PLEKHA6: variants seen among roughly 807,000 people sequenced by gnomAD.
The protein encoded by PLEKHA6 is pleckstrin homology domain containing A6.
A neutral mutation model predicts 116.7 loss-of-function variants in PLEKHA6; 60 were observed. That is an observed-to-expected ratio of 0.51 (90% CI 0.42 to 0.64). The LOEUF is 0.64. PLEKHA6 is among the 30% of genes least tolerant of loss of function. The pLI is 0.00. For synonymous variants in PLEKHA6, 489 were observed against 556.1 expected (o/e 0.88, Z 1.70); for missense variants, 1,338 against 1,422.7 (o/e 0.94, Z 0.96).
At chr1:204,340,062 G>T (rs1672790075) in intron 1 of PLEKHA6, among the ~76,000 whole-genome samples, 1 of 152,142 alleles carries the variant, frequency 6.6e-6, no homozygotes, top group African/African-American at 2.4e-5. Flanking sequence ...AAAAGTACAA[G>T]TTAGACCTCA....
intron 1 of PLEKHA6, among the ~76,000 whole-genome samples, chr1:204,375,278 T>A (rs1416538138): frequency 6.6e-6 from 1 of 152,092 alleles, no homozygotes; most frequent in African/African-American, 2.4e-5. Context: ...TTAGACAGCA[T>A]CTCCTGAATG....
At chr1:204,297,815 A>T in intron 1 of PLEKHA6, 1 of 825,142 alleles carries the variant, frequency 1.2e-6, no homozygotes, top group Non-Finnish European at 1.5e-6. Context: ...GTTTCTTATC[A>T]GAGATCCAAA....
chr1:204,286,039 G>C (rs1314312644), intron 1 of PLEKHA6, among the ~76,000 whole-genome samples: 1 of 152,116 alleles, frequency 6.6e-6, no homozygotes, highest in Non-Finnish European at 1.5e-5. Flanking sequence ...AGCAGGCTTA[G>C]GATTCTTCCT....
At chr1:204,249,082 C>T (rs1664182612) in intron 11 of PLEKHA6, 102 bp downstream of exon 11, 8 of 1,477,408 alleles carry the variant, frequency 5.4e-6, no homozygotes, top group Non-Finnish European at 7.5e-6. Context: ...GGAAGCTGTC[C>T]TTGCTTTGTC....
chr1:204,348,356 T>A (rs1284982815), intron 1 of PLEKHA6, among the ~76,000 whole-genome samples: 1 of 152,100 alleles, frequency 6.6e-6, no homozygotes, highest in African/African-American at 2.4e-5. Flanking sequence ...AGCTTGAAGC[T>A]GAAAAGAGAA....
In PLEKHA6 at chr1:204,259,468, G is replaced by A. The variant is rs1006947912; in HGVS notation, c.797C>T (p.Pro266Leu). ...GTACTGCCAGCCATTGGGCTGGGCA[G>A]GCTGTTCCCCACCCCCTGGCACTCT... ...GPRVPGGGEQ[P>L]AQPNGWQYHS... Residue 266 changes from proline (P) to leucine (L), a missense_variant, in exon 8 of 23, where the codon CCT becomes CTT. By Grantham distance (98) the Pro-to-Leu change is moderately conservative. Around this residue, in one of 3 missense-constraint regions of PLEKHA6, gnomAD observed 1,136 missense variants for 1,163.6 expected, o/e 0.98. Transcript: ENST00000272203. This position sits in a 1 kb window ranked among gnomAD's most constrained non-coding sequence, Gnocchi z 4.6. 1 of 1,614,222 alleles carries A rather than the reference G, an allele frequency of 6.2e-7. No homozygotes were observed. The highest frequency in any genetic ancestry group is 8.5e-7 in the Non-Finnish European group (1 of 1,180,024).
intron 9 of PLEKHA6, chr1:204,251,411 T>A (rs1664537739): frequency 1.6e-6 from 1 of 609,966 alleles, no homozygotes; most frequent in African/African-American, 1.8e-5. Context: ...AGGCCAAGCC[T>A]GTCTCCAGGC....
intron 9 of PLEKHA6, chr1:204,255,487 C>A: frequency 1.6e-6 from 1 of 611,678 alleles, no homozygotes; most frequent in Non-Finnish European, 2.9e-6. Flanking sequence ...AGGCGCAAAC[C>A]AAAACATAAG....
At chr1:204,371,126 T>C (rs927268465) in intron 2 of PLEKHA6, among the ~76,000 whole-genome samples, 1 of 151,094 alleles carries the variant, frequency 6.6e-6, no homozygotes, top group African/African-American at 2.4e-5. Context: ...CATTGCCACA[T>C]GTGGCTCATG....
At chr1:204,282,220 A>G (rs1668699169) in intron 1 of PLEKHA6, among the ~76,000 whole-genome samples, 1 of 152,162 alleles carries the variant, frequency 6.6e-6, no homozygotes, top group Non-Finnish European at 1.5e-5. Flanking sequence ...AACGGGTTCA[A>G]GCTCATGTGT....
At chr1:204,276,905 A>T (rs1215735973) in intron 1 of PLEKHA6, 1 of 152,126 alleles carries the variant, frequency 6.6e-6, no homozygotes, top group Non-Finnish European at 1.5e-5. Context: ...CAGACCCCTC[A>T]CTCTGAAGCC....
chr1:204,241,652 C>T, intron 16 of PLEKHA6, 33 bp downstream of exon 16: 2 of 1,546,880 alleles, frequency 1.3e-6, no homozygotes, highest in Non-Finnish European at 1.7e-6. Context: ...GCATCCTTGC[C>T]TTACTTCTAG....
At chr1:204,290,470 AAAAC>A (rs973892712) in intron 1 of PLEKHA6, among the ~76,000 whole-genome samples, 1 of 152,350 alleles carries the variant, frequency 6.6e-6, no homozygotes, top group Admixed American at 6.5e-5. Flanking sequence ...AAAACACATG[AAAAC>A]AAACAAACAA....
chr1:204,330,733 G>A (rs1371686048), intron 1 of PLEKHA6, among the ~76,000 whole-genome samples: 4 of 140,774 alleles, frequency 2.8e-5, no homozygotes, highest in Non-Finnish European at 4.7e-5. Flanking sequence ...TACCGAAGAG[G>A]AAGCAGCCCT....
rs185949366 is a variant in PLEKHA6, at chr1:204,229,082, T to G, written c.2606A>C (p.His869Pro). 85 of 1,613,572 alleles carry G rather than the reference T, an allele frequency of 5.3e-5. No individual in the cohort carries two copies. In the East Asian group the frequency reaches 1.7e-3, roughly 32 times the overall value. The change falls in exon 19 of 23, where the codon CAT (histidine) becomes CCT (proline). Residue 869 changes from histidine (H) to proline (P), a missense_variant. Physicochemically the swap from His to Pro is moderately conservative, Grantham distance 77. This residue lies in a region of PLEKHA6 where 1,136 missense variants were observed against 1,163.6 expected (regional missense o/e 0.98). Coordinates refer to ENST00000272203, the MANE Select transcript of PLEKHA6 (RefSeq NM_014935.5). Reference protein sequence around the residue: ...YKVVRRHRSIHEVDISNLEAA... With the variant: ...YKVVRRHRSIPEVDISNLEAA... ...CTCCAGGTTGGAGATGTCTACCTCA[T>G]GGATGCTGCGGTGGCGGCGCACCTA...
chr1:204,318,906 A>G (rs1572174067), intron 1 of PLEKHA6, among the ~76,000 whole-genome samples: 1 of 152,186 alleles, frequency 6.6e-6, no homozygotes, highest in Non-Finnish European at 1.5e-5. Flanking sequence ...AGGCCACTCT[A>G]TGAGTGAGCC....
chr1:204,317,224 G>T, intron 1 of PLEKHA6: 1 of 977,154 alleles, frequency 1.0e-6, no homozygotes, highest in Non-Finnish European at 1.2e-6. Flanking sequence ...ACCAATCCAG[G>T]CCTAAAGAGG....
intron 1 of PLEKHA6, among the ~76,000 whole-genome samples, chr1:204,347,954 C>T (rs1673127209): frequency 6.6e-6 from 1 of 152,114 alleles, no homozygotes; most frequent in Non-Finnish European, 1.5e-5. Context: ...TCCTGAAGTA[C>T]CGATTCTCCT....
At chr1:204,309,060 A>G (rs1671548257) in intron 1 of PLEKHA6, 1 of 976,444 alleles carries the variant, frequency 1.0e-6, no homozygotes, top group South Asian at 4.7e-5. Context: ...TTTCTCATTC[A>G]TTGTCTTTCT....
Sources: gnomAD v4.1 joint callset for allele counts (sites outside exome capture counted in the v4.1 genomes callset) on GRCh38, gnomAD v4.1.1 for gene constraint, gnomAD v4.1.1 regional missense constraint, Gnocchi (gnomAD v3.1) non-coding constraint, MANE v1.5 for transcripts, NCBI Gene and HGNC (gene_info 2026-07-23, HGNC 2026-07-21) for gene names.